The following TOM1L1 variants were observed in gnomAD, a reference collection of about 807,000 sequenced individuals.
TOM1L1 encodes the protein TOM1-like protein 1.
TOM1L1 carries 64 observed loss-of-function variants against 63.4 expected under a neutral mutation model. That is an observed-to-expected ratio of 1.01 (90% CI 0.83 to 1.24). The LOEUF is 1.24. Among genes scored for constraint, TOM1L1 ranks in the 50% most tolerant of loss-of-function variants. The pLI, the probability that TOM1L1 is intolerant of heterozygous loss-of-function variation, is 0.00. For synonymous variants in TOM1L1, 166 were observed against 194.4 expected, an observed-to-expected ratio of 0.85 and a Z score of 1.22; for missense variants, 536 against 567.0, an observed-to-expected ratio of 0.95 and a Z score of 0.55.
chr17:54,930,444 G>C, intron 8 of TOM1L1: 1 of 426,430 alleles, frequency 2.3e-6, no homozygotes, highest in East Asian at 4.5e-5. Flanking sequence ...GTGGCTCCCA[G>C]CTATAATCTC....
chr17:54,949,540 T>A lies in TOM1L1; in HGVS notation c.1205T>A (p.Val402Glu), dbSNP rs370162717. 3.1e-6 allele frequency: 5 copies of A among 1,613,936 alleles called. No individual in the cohort carries two copies. The highest frequency in any genetic ancestry group is 4.2e-6 in the Non-Finnish European group (5 of 1,179,844). Residue 402 changes from valine (V) to glutamate (E), a missense_variant, in exon 13 of 16, where the codon GTG (valine) becomes GAG (glutamate). By Grantham distance (121) the Val-to-Glu change is moderately radical (BLOSUM62 -2). Transcript: ENST00000575882. ...YDNFLEHSNS[V>E]FLQPVSLQTI... ...CAGTTTCTGGAACATTCAAATTCAG[T>A]GTTTCTACAGCCAGTTAGTCTACAA...
chr17:54,949,718 T>C (rs944853797), intron 13 of TOM1L1, 95 bp downstream of exon 13: 274 of 1,033,766 alleles, frequency 2.7e-4, no homozygotes, highest in Middle Eastern at 2.1e-4. Context: ...TAGGAGAAAT[T>C]AGAGATGCTC....
chr17:54,901,897 G>A (rs1477117898), intron 1 of TOM1L1, among the ~76,000 whole-genome samples: 1 of 152,024 alleles, frequency 6.6e-6, no homozygotes, highest in Non-Finnish European at 1.5e-5. Context: ...TCCCTTAATG[G>A]CTGTGCTTTT....
Position 54,949,981 on chromosome 17 carries a change from A to G in TOM1L1, c.1289-64A>G, listed in dbSNP as rs1045259153. On this transcript the variant is annotated intron_variant, in intron 13 of 15. Transcript: ENST00000575882. ...ATTTGAAGTCTAAATTATAAAAAGA[A>G]TATCAATTGCGTGTACTCCTCAAAA... 9.5e-6 allele frequency: 12 copies of G among 1,264,618 alleles called. No individual in the cohort carries two copies. The African/African-American group carries it at 1.3e-4, about 14-fold the overall frequency. 78.3% of individuals were successfully genotyped at this position (1,264,618 alleles called of 1,614,324 possible).
chr17:54,949,984 T>C (rs2049187121), intron 13 of TOM1L1, 61 bp from the exon 14 acceptor site: 1 of 1,285,432 alleles, frequency 7.8e-7, no homozygotes, highest in African/African-American at 1.5e-5. Flanking sequence ...AAAAAGAATA[T>C]CAATTGCGTG....
rs1374148304 is a variant in TOM1L1, at chr17:54,961,263, C to T, written c.*30C>T. Reference sequence around the variant, plus strand: ...AAAGTGGATGATCAGCTCACTACCACATCAAAGGTGCCAACTCTCTAAAAC... The same window carrying T: ...AAAGTGGATGATCAGCTCACTACCATATCAAAGGTGCCAACTCTCTAAAAC... On this transcript the variant is annotated 3_prime_UTR_variant, in exon 16 of 16. Transcript: ENST00000575882. 6.4e-7 allele frequency: 1 copy of T among 1,551,104 alleles called. No homozygotes were observed.
At chr17:54,935,139 C>G (rs1444959782) in intron 8 of TOM1L1, among the ~76,000 whole-genome samples, 1 of 152,168 alleles carries the variant, frequency 6.6e-6, no homozygotes, top group African/African-American at 2.4e-5. Context: ...GTTTATTTCA[C>G]CTGGGTGCAG....
chr17:54,917,359 A>T (rs2048607815), intron 7 of TOM1L1: 1 of 151,960 alleles, frequency 6.6e-6, no homozygotes, highest in East Asian at 1.9e-4. Flanking sequence ...TTCTGGGATA[A>T]TTTCTCTGTT....
intron 7 of TOM1L1, among the ~76,000 whole-genome samples, chr17:54,924,675 A>G (rs1372813969): frequency 1.3e-5 from 2 of 152,170 alleles, no homozygotes; most frequent in Non-Finnish European, 2.9e-5. Context: ...TAGAATGGAA[A>G]TGCCAAAAGG....
intron 9 of TOM1L1, among the ~76,000 whole-genome samples, 175 bp downstream of exon 9, chr17:54,936,884 T>TTAATGC (rs2048956558): frequency 3.9e-5 from 6 of 152,194 alleles, no homozygotes; most frequent in African/African-American, 1.4e-4. Context: ...AACGTTAATG[T>TTAATGC]TAAACTGTTA....
rs2048835627 is a variant in TOM1L1 at position 54,930,197 on chromosome 17, GAT to G, written c.848_849del (p.Tyr283Ter). On this transcript the variant is annotated frameshift_variant, in exon 8 of 16. Coordinates refer to ENST00000575882, the MANE Select transcript of TOM1L1 (RefSeq NM_005486.3). LOFTEE classifies it high-confidence loss of function. Reference sequence around the variant, plus strand: ...GAGGATTTGAATAATGCTATCCTTGGATATGAGAGGTGAGCAGATCATGTACC... The same window carrying G: ...GAGGATTTGAATAATGCTATCCTTGGATGAGAGGTGAGCAGATCATGTACC... The G allele has an allele frequency of 1.2e-6, 2 of 1,614,028 alleles. No individual in the cohort carries two copies. Among genetic ancestry groups the G allele is most frequent in the Non-Finnish European group, 8.5e-7 (1 of 1,179,944 alleles).
intron 7 of TOM1L1, among the ~76,000 whole-genome samples, chr17:54,926,278 ACT>A (rs980393273): frequency 1.3e-5 from 2 of 151,910 alleles, no homozygotes; most frequent in Non-Finnish European, 2.9e-5. Context: ...TGATTCTGAG[ACT>A]CTATCCAGTC....
intron 3 of TOM1L1, among the ~76,000 whole-genome samples, chr17:54,908,049 CTTCT>C (rs1209197973): frequency 6.6e-6 from 1 of 152,082 alleles, no homozygotes. Flanking sequence ...TCCACTCTTC[CTTCT>C]CATCAGGTAG....
chr17:54,911,096 T>G lies in TOM1L1; in HGVS notation c.223-1570T>G, dbSNP rs538533286. On this transcript the variant is annotated intron_variant, in intron 3 of 15. Transcript: ENST00000575882. The stretch of plus-strand genomic sequence containing the variant: ...CATGCAGTTCTTCAGTATTGGTTCA[T>G]TCTTTCTTAGTCAAGTTTCTGCTCA... Among the ~76,000 whole-genome samples, 13 of 152,364 alleles carry G rather than the reference T, an allele frequency of 8.5e-5. No individual in the cohort carries two copies. The East Asian group carries it at 2.5e-3, about 29-fold the overall frequency.
chr17:54,924,087 C>A (rs879169313), intron 7 of TOM1L1, among the ~76,000 whole-genome samples: 14 of 151,808 alleles, frequency 9.2e-5, no homozygotes, highest in Admixed American at 7.9e-4. Flanking sequence ...AAAACTAGAC[C>A]TCTCTAGTCT....
chr17:54,957,094 G>GT (rs1285213708), intron 14 of TOM1L1: 1 of 152,210 alleles, frequency 6.6e-6, no homozygotes, highest in Non-Finnish European at 1.5e-5. Context: ...AAAAAAGCAG[G>GT]TGATTACTCA....
chr17:54,951,264 G>A (rs1035883476), intron 14 of TOM1L1, among the ~76,000 whole-genome samples: 4 of 152,202 alleles, frequency 2.6e-5, no homozygotes, highest in Admixed American at 1.3e-4. Context: ...CGAGGCATGC[G>A]GAAAAGGCCA....
intron 7 of TOM1L1, among the ~76,000 whole-genome samples, chr17:54,926,659 T>C (rs912639328): frequency 1.3e-5 from 2 of 150,412 alleles, no homozygotes; most frequent in South Asian, 2.1e-4. Context: ...AAAAAAATCC[T>C]GAGAATAGGA....
At chr17:54,931,061 G>A (rs1370129099) in intron 8 of TOM1L1, among the ~76,000 whole-genome samples, 1 of 151,676 alleles carries the variant, frequency 6.6e-6, no homozygotes, top group Non-Finnish European at 1.5e-5. Flanking sequence ...ATAATAAAAT[G>A]ACATGTTAAG....
Sources: gnomAD v4.1 joint callset for allele counts (sites outside exome capture counted in the v4.1 genomes callset) on GRCh38, gnomAD v4.1.1 for gene constraint, MANE v1.5 for transcripts, NCBI Gene and HGNC (gene_info 2026-07-23, HGNC 2026-07-21) for gene names.